MICAL3: variants seen among roughly 807,000 people sequenced by gnomAD.
MICAL3 encodes the protein [F-actin]-monooxygenase MICAL3.
A neutral mutation model predicts 207.4 loss-of-function variants in MICAL3; 62 were observed. The observed-to-expected ratio is 0.30, with a 90% CI of 0.24 to 0.37. MICAL3 has a LOEUF of 0.37. Ranked by LOEUF, MICAL3 falls within the 10% of genes least tolerant of loss-of-function variation. The probability of loss-of-function intolerance (pLI) is 1.00; values close to 1 mark genes in which losing one functional copy is unlikely to be tolerated. For missense variants in MICAL3, 2,368 were observed against 2,635.6 expected, an observed-to-expected ratio of 0.90 and a Z score of 2.22; for synonymous variants, 1,077 against 1,069.3, an observed-to-expected ratio of 1.01 and a Z score of -0.14.
chr22:17,911,008 C>A (rs1932103757), intron 1 of MICAL3, among the ~76,000 whole-genome samples: 1 of 106,170 alleles, frequency 9.4e-6, no homozygotes, highest in Non-Finnish European at 1.8e-5. Context: ...AAGTGAGGAG[C>A]CGGGTTGGGG....
At chr22:17,832,870 C>G (rs1347672990) in intron 20 of MICAL3, among the ~76,000 whole-genome samples, 1 of 152,164 alleles carries the variant, frequency 6.6e-6, no homozygotes, top group Non-Finnish European at 1.5e-5. Context: ...AATCCCTGAG[C>G]AGGACACTGT....
At chr22:17,860,937 A>T in intron 19 of MICAL3, 1 of 984,656 alleles carries the variant, frequency 1.0e-6, no homozygotes, top group Non-Finnish European at 1.2e-6. Context: ...ACTATAATTT[A>T]GGGTGCAACA....
rs763376703 is a variant in MICAL3 at position 17,841,967 on chromosome 22, C to T, written c.2656G>A (p.Gly886Ser). ...TCCAGCTCGATCCGCTCTGGGGTGC[C>T]CCTCAGTCGCTTGGCGATGCTGGGC... ...EEPSIAKRLR[G>S]TPERIELENY... The change falls in exon 20 of 32, where the codon GGC (glycine) becomes AGC (serine). Residue 886 changes from glycine to serine, a missense_variant. By Grantham distance (56) the Gly-to-Ser change is moderately conservative. Transcript: ENST00000441493. The surrounding 1 kb of genome is among the most constrained non-coding windows in gnomAD (Gnocchi z 4.2). 1 of 1,607,042 alleles carries T rather than the reference C, an allele frequency of 6.2e-7. No homozygotes were observed. The highest frequency in any genetic ancestry group is 2.2e-5 in the East Asian group (1 of 44,836).
rs939408139 is a variant in MICAL3, at chr22:17,802,806, G to A, written c.5650+6038C>T. On this transcript the variant is annotated intron_variant, in intron 29 of 31. Coordinates refer to ENST00000441493, the MANE Select transcript of MICAL3 (RefSeq NM_015241.3). ...CCACCTCTAGGCATGGAGCCTCCAC[G>A]GGGAGATGAAGGGGGTAGACTGCCA... Among the ~76,000 whole-genome samples the A allele has an allele frequency of 2.6e-5, 4 of 152,092 alleles. No homozygotes were observed. In the South Asian group the frequency reaches 6.2e-4, roughly 24 times the overall value.
chr22:17,821,103 T>G (rs1569080142), intron 25 of MICAL3, among the ~76,000 whole-genome samples: 2 of 152,010 alleles, frequency 1.3e-5, no homozygotes, highest in Non-Finnish European at 2.9e-5. Flanking sequence ...ATATGGTGTG[T>G]GGTATGTGGA....
At chr22:18,002,894 C>T (rs376791139) in intron 1 of MICAL3, among the ~76,000 whole-genome samples, 5 of 152,234 alleles carry the variant, frequency 3.3e-5, no homozygotes, top group African/African-American at 4.8e-5. Flanking sequence ...CGGTGGCTCA[C>T]GCCTATAATC....
At position 17,818,943 on chromosome 22, in the gene MICAL3, C is replaced by T. The variant is rs541960854; in HGVS notation, c.3718G>A (p.Gly1240Arg). ...ACGGGTGGCTGGGGCTGCGGGCTCC[C>T]TGGTGAGACAGGAGTCCTAGCTTCT... ...LPEARTPVSP[G>R]SPQPQPPVAA... The change falls in exon 26 of 32, where the codon GGG becomes AGG. Residue 1240 changes from glycine to arginine, a missense_variant. Gly to Arg is a moderately radical substitution (Grantham distance 125). Coordinates refer to ENST00000441493, the MANE Select transcript of MICAL3 (RefSeq NM_015241.3). 30 of 1,594,056 alleles carry T rather than the reference C, an allele frequency of 1.9e-5. 1 individual carries two copies. The South Asian group carries it at 3.4e-4, about 18-fold the overall frequency.
intron 1 of MICAL3, among the ~76,000 whole-genome samples, chr22:18,021,160 G>A (rs1263019942): frequency 6.6e-6 from 1 of 152,238 alleles, no homozygotes; most frequent in Non-Finnish European, 1.5e-5. Flanking sequence ...CCAGTGGCCT[G>A]TGCCATAAAT....
intron 1 of MICAL3, among the ~76,000 whole-genome samples, chr22:17,932,158 C>A (rs1933296343): frequency 2.0e-5 from 3 of 152,086 alleles, no homozygotes; most frequent in Admixed American, 2.0e-4. Flanking sequence ...AGAAGAGCAA[C>A]CCCAAGACAC....
At chr22:17,962,982 C>T (rs538786326) in intron 1 of MICAL3, among the ~76,000 whole-genome samples, 58 of 152,184 alleles carry the variant, frequency 3.8e-4, no homozygotes, top group African/African-American at 1.4e-3. Flanking sequence ...GAACTCCTAC[C>T]TTCAAGCAAT....
intron 1 of MICAL3, among the ~76,000 whole-genome samples, chr22:17,966,377 C>T (rs1935144350): frequency 6.6e-6 from 1 of 152,222 alleles, no homozygotes; most frequent in Admixed American, 6.5e-5. Context: ...AGAAGACCTG[C>T]CTTCTTCACA....
chr22:17,984,092 A>C (rs1936047807), intron 1 of MICAL3, among the ~76,000 whole-genome samples: 2 of 152,210 alleles, frequency 1.3e-5, no homozygotes, highest in African/African-American at 4.8e-5. Context: ...CCTTATCGTC[A>C]AAGTTCAACA....
rs2061840680 is a variant in MICAL3, at chr22:17,793,055, C to T, written c.5651-1754G>A. Reference sequence around the variant, plus strand: ...CCCACGAAGATACAGAAAATGCCACCGGAGACGTGCGGACAGCGCTCACTA... The same window carrying T: ...CCCACGAAGATACAGAAAATGCCACTGGAGACGTGCGGACAGCGCTCACTA... On this transcript the variant is annotated intron_variant, in intron 29 of 31. Coordinates refer to ENST00000441493, the MANE Select transcript of MICAL3 (RefSeq NM_015241.3). The surrounding 1 kb of genome is among the most constrained non-coding windows in gnomAD (Gnocchi z 4.1). 1.3e-5 allele frequency among the ~76,000 whole-genome samples: 2 copies of T among 152,292 alleles called. No homozygotes were observed. Among genetic ancestry groups the T allele is most frequent in the Middle Eastern group, 3.4e-3 (1 of 294 alleles).
chr22:17,911,789 G>T (rs1301319209), intron 1 of MICAL3, among the ~76,000 whole-genome samples: 1 of 101,256 alleles, frequency 9.9e-6, no homozygotes, highest in Non-Finnish European at 1.8e-5. Context: ...CCATGATCAT[G>T]CCACTGCACT....
chr22:17,799,199 A>G (rs977837231), intron 29 of MICAL3, among the ~76,000 whole-genome samples: 5 of 151,746 alleles, frequency 3.3e-5, no homozygotes, highest in South Asian at 2.1e-4. Flanking sequence ...GCTGGCCAAC[A>G]TGGTGAAACC....
intron 19 of MICAL3, among the ~76,000 whole-genome samples, chr22:17,852,478 A>G (rs551069300): frequency 6.6e-6 from 1 of 152,206 alleles, no homozygotes; most frequent in African/African-American, 2.4e-5. Context: ...GCAGACAGAC[A>G]CTAAGAACAA....
At chr22:18,014,966 G>T (rs1349814018) in intron 1 of MICAL3, among the ~76,000 whole-genome samples, 1 of 149,738 alleles carries the variant, frequency 6.7e-6, no homozygotes, top group Non-Finnish European at 1.5e-5. Flanking sequence ...CAGCCTGGGC[G>T]ACAGAGTGAG....
chr22:17,904,905 G>T, intron 2 of MICAL3, 66 bp from the exon 3 acceptor site: 1 of 1,191,020 alleles, frequency 8.4e-7, no homozygotes, highest in Non-Finnish European at 1.2e-6. Context: ...GAAGTCTCAT[G>T]ATTGTAAGAT....
intron 1 of MICAL3, among the ~76,000 whole-genome samples, chr22:17,920,165 G>A (rs537803014): frequency 1.2e-4 from 18 of 152,376 alleles, no homozygotes; most frequent in African/African-American, 2.4e-4. Flanking sequence ...AAAGCTGCAC[G>A]CGTGAAACGC....
Sources: gnomAD v4.1 joint callset for allele counts (sites outside exome capture counted in the v4.1 genomes callset) on GRCh38, gnomAD v4.1.1 for gene constraint, Gnocchi (gnomAD v3.1) non-coding constraint, MANE v1.5 for transcripts, NCBI Gene and HGNC (gene_info 2026-07-23, HGNC 2026-07-21) for gene names.